The following DLG2 variants were observed in gnomAD, a reference collection of about 807,000 sequenced individuals.
DLG2 encodes disks large homolog 2.
A neutral mutation model predicts 132.5 loss-of-function variants in DLG2; 45 were observed. That is an observed-to-expected ratio of 0.34 (90% CI 0.27 to 0.44). The LOEUF (loss-of-function observed/expected upper bound fraction) is 0.44, where lower values mean the gene tolerates loss of function less well. Ranked by LOEUF, DLG2 falls within the 20% of genes least tolerant of loss-of-function variation. The probability of loss-of-function intolerance (pLI) is 1.00; values close to 1 mark genes in which losing one functional copy is unlikely to be tolerated. For synonymous variants in DLG2, 424 were observed against 419.6 expected (o/e 1.01, Z -0.13); for missense variants, 1,045 against 1,196.9 (o/e 0.87, Z 1.87).
chr11:84,343,653 T>C (rs1194555779), intron 7 of DLG2, among the ~76,000 whole-genome samples: 1 of 152,138 alleles, frequency 6.6e-6, no homozygotes. Flanking sequence ...CTTCAAAAAA[T>C]GGCAATAGTA....
intron 8 of DLG2, among the ~76,000 whole-genome samples, chr11:84,216,497 C>G (rs947764075): frequency 2.0e-5 from 3 of 152,100 alleles, no homozygotes; most frequent in African/African-American, 7.2e-5. Flanking sequence ...TTTTGTTTAT[C>G]TAACAGGATA....
chr11:83,947,236 A>C (rs1203943631), intron 14 of DLG2, among the ~76,000 whole-genome samples: 1 of 91,102 alleles, frequency 1.1e-5, no homozygotes, highest in Non-Finnish European at 3.1e-5. Context: ...TCAACATTCT[A>C]GATTTTTTTT....
intron 11 of DLG2, among the ~76,000 whole-genome samples, chr11:84,025,952 CA>C (rs1196541599): frequency 6.6e-6 from 1 of 151,810 alleles, no homozygotes; most frequent in Admixed American, 6.6e-5. Context: ...GGAAAGAAAA[CA>C]AAATAAAACA....
At chr11:85,619,201 A>G (rs2153276160) in intron 2 of DLG2, among the ~76,000 whole-genome samples, 1 of 152,260 alleles carries the variant, frequency 6.6e-6, no homozygotes, top group Non-Finnish European at 1.5e-5. Flanking sequence ...CTTTTAAAAT[A>G]AAAAAGATAT....
chr11:83,584,526 T>C (rs2097047505), intron 19 of DLG2, among the ~76,000 whole-genome samples: 1 of 152,180 alleles, frequency 6.6e-6, no homozygotes, highest in South Asian at 2.1e-4. Flanking sequence ...ATTAGTTGGT[T>C]GAAGAAGAAC....
chr11:84,891,576 T>C (rs1274261623), intron 6 of DLG2, among the ~76,000 whole-genome samples: 4 of 152,178 alleles, frequency 2.6e-5, no homozygotes, highest in African/African-American at 9.6e-5. Context: ...TCTTAAATTC[T>C]TGAATTTTAA....
intron 6 of DLG2, among the ~76,000 whole-genome samples, chr11:84,886,315 A>T (rs2088297816): frequency 6.6e-6 from 1 of 152,112 alleles, no homozygotes; most frequent in African/African-American, 2.4e-5. Flanking sequence ...ACATATGCTT[A>T]TTGATTATCA....
chr11:83,844,547 CAAAA>C lies in DLG2; in HGVS notation c.1566-10781_1566-10778del, dbSNP rs59755957. 5.9e-4 allele frequency among the ~76,000 whole-genome samples: 42 copies of C among 70,642 alleles called. No individual in the cohort carries two copies. The East Asian group carries it at 0.019, about 32-fold the overall frequency. The allele number at this position is 70,642 out of a possible 152,430, so 46.3% of individuals were successfully genotyped here. A position where few individuals can be genotyped will look rare whatever the true frequency, so the allele number is the denominator to read the frequency against. On this transcript the variant is annotated intron_variant, in intron 16 of 27. Coordinates refer to ENST00000376104, the MANE Select transcript of DLG2 (RefSeq NM_001142699.3). ...TAGGCAACAGAGTGAGAGTCTGTATCAAAAAAAAAAAAAAAAAAAAAAAGGGCCT... is the reference window on the plus strand; with the variant it reads ...TAGGCAACAGAGTGAGAGTCTGTATCAAAAAAAAAAAAAAAAAAAGGGCCT...
chr11:83,991,149 T>C (rs2093689562), intron 11 of DLG2, among the ~76,000 whole-genome samples: 1 of 152,206 alleles, frequency 6.6e-6, no homozygotes, highest in African/African-American at 2.4e-5. Flanking sequence ...ACTGCCAATA[T>C]GGTTAATTAA....
At chr11:85,124,292 C>T (rs552812563) in intron 5 of DLG2, among the ~76,000 whole-genome samples, 2 of 152,354 alleles carry the variant, frequency 1.3e-5, no homozygotes, top group South Asian at 2.1e-4. Context: ...CTTAAGATTA[C>T]TTCTAACACA....
intron 14 of DLG2, among the ~76,000 whole-genome samples, chr11:83,930,709 A>C (rs1297552018): frequency 6.6e-6 from 1 of 152,200 alleles, no homozygotes; most frequent in African/African-American, 2.4e-5. Context: ...TGTTCAGTCC[A>C]ATGTGATGTG....
At chr11:84,884,698 T>C (rs2087934176) in intron 6 of DLG2, among the ~76,000 whole-genome samples, 1 of 152,008 alleles carries the variant, frequency 6.6e-6, no homozygotes, top group South Asian at 2.1e-4. Context: ...CAACCACTAG[T>C]ATATTTTATT....
At chr11:84,062,164 A>T (rs540297435) in intron 10 of DLG2, among the ~76,000 whole-genome samples, 1 of 152,318 alleles carries the variant, frequency 6.6e-6, no homozygotes, top group East Asian at 1.9e-4. Context: ...GGTGTGAGAA[A>T]ATCATAGCCT....
At chr11:83,815,688 G>T (rs2048684283) in intron 17 of DLG2, among the ~76,000 whole-genome samples, 1 of 152,166 alleles carries the variant, frequency 6.6e-6, no homozygotes, top group Non-Finnish European at 1.5e-5. Context: ...CAAGCCGAAA[G>T]AACCTGTTTG....
chr11:84,704,201 T>C (rs2153746516), intron 6 of DLG2, among the ~76,000 whole-genome samples: 1 of 151,554 alleles, frequency 6.6e-6, no homozygotes, highest in East Asian at 2.0e-4. Flanking sequence ...TTAATCCAGA[T>C]CTGTTGAATT....
intron 7 of DLG2, among the ~76,000 whole-genome samples, chr11:84,434,662 C>T (rs1209682677): frequency 6.6e-6 from 1 of 151,926 alleles, no homozygotes; most frequent in African/African-American, 2.4e-5. Flanking sequence ...TTGTTGTGAG[C>T]ATTATGATGG....
intron 3 of DLG2, among the ~76,000 whole-genome samples, chr11:85,352,050 T>G (rs2083332186): frequency 6.6e-6 from 1 of 152,192 alleles, no homozygotes; most frequent in Non-Finnish European, 1.5e-5. Context: ...GGACTTTTTT[T>G]GGTTGGTAGG....
chr11:85,490,771 C>T (rs1374779357), intron 3 of DLG2, among the ~76,000 whole-genome samples: 1 of 151,946 alleles, frequency 6.6e-6, no homozygotes, highest in Non-Finnish European at 1.5e-5. Context: ...AAAACCTGAA[C>T]AAACCAGTAA....
intron 18 of DLG2, among the ~76,000 whole-genome samples, chr11:83,719,086 C>T (rs1207399804): frequency 6.6e-6 from 1 of 152,102 alleles, no homozygotes; most frequent in African/African-American, 2.4e-5. Flanking sequence ...TTAAAAATAC[C>T]CTGCACAGCC....
Sources: gnomAD v4.1 joint callset for allele counts (sites outside exome capture counted in the v4.1 genomes callset) on GRCh38, gnomAD v4.1.1 for gene constraint, MANE v1.5 for transcripts, NCBI Gene and HGNC (gene_info 2026-07-23, HGNC 2026-07-21) for gene names.